Variants in CDH18 observed in about 807,000 individuals in gnomAD.
CDH18 encodes the protein cadherin 18.
CDH18 carries 31 observed loss-of-function variants against 67.9 expected under a neutral mutation model. That is an observed-to-expected ratio of 0.46 (90% CI 0.34 to 0.62). The LOEUF (loss-of-function observed/expected upper bound fraction) is 0.62, where lower values mean the gene tolerates loss of function less well. CDH18 is among the 20% of genes least tolerant of loss of function. The pLI, the probability that CDH18 is intolerant of heterozygous loss-of-function variation, is 0.01. For missense variants in CDH18, 890 were observed against 975.5 expected (o/e 0.91, Z 1.17); for synonymous variants, 362 against 347.2 (o/e 1.04, Z -0.48).
chr5:20,181,176 C>G (rs1737658622), intron 2 of CDH18, among the ~76,000 whole-genome samples: 1 of 152,036 alleles, frequency 6.6e-6, no homozygotes, highest in African/African-American at 2.4e-5. Context: ...TGAACTCTTA[C>G]AGGAATACTA....
intron 6 of CDH18, among the ~76,000 whole-genome samples, chr5:19,610,645 A>G (rs1473341922): frequency 5.9e-5 from 9 of 152,236 alleles, no homozygotes; most frequent in African/African-American, 2.2e-4. Flanking sequence ...TGAAAACAAG[A>G]TAGGCAAGTT....
intron 6 of CDH18, among the ~76,000 whole-genome samples, chr5:19,595,410 C>T (rs770247559): frequency 9.2e-5 from 14 of 152,070 alleles, no homozygotes; most frequent in South Asian, 2.1e-4. Flanking sequence ...TACGGTGGCT[C>T]GAGACCTGTT....
chr5:20,225,408 C>T (rs751669380), intron 2 of CDH18, among the ~76,000 whole-genome samples: 17 of 152,050 alleles, frequency 1.1e-4, no homozygotes, highest in Admixed American at 2.0e-4. Context: ...CAACTTTCTA[C>T]GTCATAAAGA....
At chr5:19,669,073 T>C (rs12656428) in intron 5 of CDH18, among the ~76,000 whole-genome samples, 83,016 of 147,816 alleles carry the variant, frequency 0.56, 26,440 homozygotes, top group East Asian at 0.74. Context: ...CAGAGCATAA[T>C]GATTACTTCC....
intron 1 of CDH18, among the ~76,000 whole-genome samples, chr5:20,299,669 G>A (rs1217787463): frequency 1.4e-5 from 2 of 145,516 alleles, no homozygotes; most frequent in African/African-American, 5.1e-5. Context: ...TGAGGCAGAA[G>A]AATTGCTGAA....
rs1199929812 is a variant in CDH18, at chr5:20,256,144, C to T, written c.-579-639G>A. ...AATATAATCCCTAATGTATACATTACGTGCATTATACCAAATAATATATAT... is the reference window on the plus strand; with the variant it reads ...AATATAATCCCTAATGTATACATTATGTGCATTATACCAAATAATATATAT... On this transcript the variant is annotated intron_variant, in intron 1 of 14. Transcript: ENST00000507958. Among the ~76,000 whole-genome samples the T allele has an allele frequency of 1.4e-4, 21 of 151,864 alleles. No individual in the cohort carries two copies. In the South Asian group the frequency reaches 1.7e-3, roughly 12 times the overall value.
At chr5:19,666,594 T>C (rs1224335054) in intron 5 of CDH18, among the ~76,000 whole-genome samples, 12 of 151,944 alleles carry the variant, frequency 7.9e-5, no homozygotes, top group Non-Finnish European at 1.5e-5. Context: ...ACTTGTGGTA[T>C]AGGTAAAAAT....
chr5:19,974,837 G>A (rs570560800), intron 2 of CDH18, among the ~76,000 whole-genome samples: 1 of 152,248 alleles, frequency 6.6e-6, no homozygotes, highest in African/African-American at 2.4e-5. Flanking sequence ...GGTGCAGGGG[G>A]TGTGGGTGCT....
chr5:20,033,624 C>G (rs1313048121), intron 2 of CDH18, among the ~76,000 whole-genome samples: 1 of 152,076 alleles, frequency 6.6e-6, no homozygotes, highest in Admixed American at 6.6e-5. Flanking sequence ...ATAGTAGAAC[C>G]AAATAACAAA....
intron 1 of CDH18, among the ~76,000 whole-genome samples, chr5:20,440,634 G>T (rs1749536821): frequency 6.6e-6 from 1 of 151,922 alleles, no homozygotes; most frequent in African/African-American, 2.4e-5. Context: ...ACTTTCTAAA[G>T]CTGTGGTTGA....
At chr5:19,941,872 A>T (rs1794861070) in intron 2 of CDH18, among the ~76,000 whole-genome samples, 1 of 152,228 alleles carries the variant, frequency 6.6e-6, no homozygotes, top group East Asian at 1.9e-4. Context: ...TGACAGACAT[A>T]TTTGCCTAAG....
intron 2 of CDH18, among the ~76,000 whole-genome samples, chr5:20,245,346 A>C (rs1743295997): frequency 6.6e-6 from 1 of 152,134 alleles, no homozygotes; most frequent in South Asian, 2.1e-4. Context: ...ATCCAAGAAC[A>C]AATATTATGA....
At chr5:20,019,467 G>C (rs1026886918) in intron 2 of CDH18, among the ~76,000 whole-genome samples, 1 of 152,134 alleles carries the variant, frequency 6.6e-6, no homozygotes, top group African/African-American at 2.4e-5. Flanking sequence ...GGAGGTGATT[G>C]GATCATGGGG....
At chr5:20,521,895 A>T (rs1021853129) in intron 1 of CDH18, among the ~76,000 whole-genome samples, 1 of 152,118 alleles carries the variant, frequency 6.6e-6, no homozygotes, top group Admixed American at 6.6e-5. Flanking sequence ...CTGAAAAAAA[A>T]CCCTCTTCGA....
intron 5 of CDH18, among the ~76,000 whole-genome samples, chr5:19,629,255 A>G (rs950933796): frequency 1.3e-5 from 2 of 152,172 alleles, no homozygotes; most frequent in Admixed American, 1.3e-4. Flanking sequence ...CCTCTACAAG[A>G]TGAGAAGTAT....
At chr5:19,625,612 C>A (rs1031948185) in intron 5 of CDH18, among the ~76,000 whole-genome samples, 1 of 152,154 alleles carries the variant, frequency 6.6e-6, no homozygotes, top group Non-Finnish European at 1.5e-5. Flanking sequence ...TTCCTACTCA[C>A]GTGGACTTTT....
At chr5:20,192,364 C>G (rs1483930535) in intron 2 of CDH18, among the ~76,000 whole-genome samples, 1 of 151,944 alleles carries the variant, frequency 6.6e-6, no homozygotes, top group Non-Finnish European at 1.5e-5. Context: ...AATTAGATCC[C>G]CTTTGTCAAT....
chr5:20,499,545 TCTC>T (rs1317927739), intron 1 of CDH18, among the ~76,000 whole-genome samples: 2 of 152,144 alleles, frequency 1.3e-5, no homozygotes, highest in African/African-American at 2.4e-5. Flanking sequence ...TGTTTTAACA[TCTC>T]CTCAATCCCA....
chr5:20,039,811 C>T (rs1262345971), intron 2 of CDH18, among the ~76,000 whole-genome samples: 1 of 152,080 alleles, frequency 6.6e-6, no homozygotes, highest in African/African-American at 2.4e-5. Flanking sequence ...ACTAAAACAC[C>T]AAAAGCAATG....
Sources: gnomAD v4.1 joint callset for allele counts (sites outside exome capture counted in the v4.1 genomes callset) on GRCh38, gnomAD v4.1.1 for gene constraint, MANE v1.5 for transcripts, NCBI Gene and HGNC (gene_info 2026-07-23, HGNC 2026-07-21) for gene names.